Variants in CMC1 observed in about 807,000 individuals in gnomAD.
CMC1 encodes the protein COX assembly mitochondrial protein homolog.
CMC1 carries 14 observed loss-of-function variants against 14.1 expected under a neutral mutation model. That is an observed-to-expected ratio of 0.99 (90% CI 0.66 to 1.55). The LOEUF (loss-of-function observed/expected upper bound fraction) is 1.55. Ranked by LOEUF, CMC1 falls within the 40% of genes most tolerant of loss-of-function variation. CMC1 has a pLI of 0.00. For synonymous variants in CMC1, 50 were observed against 38.4 expected (o/e 1.30, Z -1.12); for missense variants, 127 against 123.8 (o/e 1.03, Z -0.12).
intron 2 of CMC1, among the ~76,000 whole-genome samples, chr3:28,307,371 TA>T (rs1188860748): frequency 6.6e-6 from 1 of 151,840 alleles, no homozygotes; most frequent in African/African-American, 2.4e-5. Context: ...GAAAAATAAA[TA>T]AAAAAAATTA....
intron 2 of CMC1, among the ~76,000 whole-genome samples, chr3:28,272,869 T>G (rs1481409902): frequency 2.0e-5 from 3 of 152,088 alleles, no homozygotes; most frequent in African/African-American, 7.2e-5. Flanking sequence ...GTGTTTTTAG[T>G]AGAGATGGGG....
At chr3:28,279,890 A>G (rs1446085846) in intron 2 of CMC1, among the ~76,000 whole-genome samples, 3 of 152,206 alleles carry the variant, frequency 2.0e-5, no homozygotes, top group African/African-American at 7.2e-5. Flanking sequence ...CAAAACACAC[A>G]TCTGCCCAGT....
chr3:28,256,201 G>GTATATATA (rs370738862), intron 1 of CMC1, among the ~76,000 whole-genome samples: 3 of 147,784 alleles, frequency 2.0e-5, no homozygotes, highest in African/African-American at 7.4e-5. Context: ...ATGTGTGTGT[G>GTATATATA]TATATATATA....
chr3:28,275,289 A>ATGC (rs377167438), intron 2 of CMC1, among the ~76,000 whole-genome samples: 13 of 111,982 alleles, frequency 1.2e-4, no homozygotes, highest in African/African-American at 4.0e-4. Flanking sequence ...CTTTTTGTTG[A>ATGC]TGCTGTTATG....
intron 2 of CMC1, among the ~76,000 whole-genome samples, chr3:28,282,069 A>G (rs1161207273): frequency 6.6e-6 from 1 of 152,052 alleles, no homozygotes; most frequent in Non-Finnish European, 1.5e-5. Flanking sequence ...TGTTCTTTCT[A>G]CCTCCCTTTA....
chr3:28,270,897 T>A (rs1341775852), intron 2 of CMC1, among the ~76,000 whole-genome samples: 2 of 151,772 alleles, frequency 1.3e-5, no homozygotes, highest in Non-Finnish European at 2.9e-5. Flanking sequence ...CATTTATGTC[T>A]TTAATTCATC....
chr3:28,316,508 T>G, intron 3 of CMC1, 85 bp downstream of exon 3: 1 of 637,698 alleles, frequency 1.6e-6, no homozygotes, highest in East Asian at 3.0e-5. Context: ...ATGTAATATA[T>G]TCTGTACCTC....
intron 2 of CMC1, among the ~76,000 whole-genome samples, chr3:28,265,951 T>C (rs1699984480): frequency 6.6e-6 from 1 of 152,174 alleles, no homozygotes; most frequent in African/African-American, 2.4e-5. Flanking sequence ...TTGAACAGAA[T>C]TGGGTAAGGC....
At chr3:28,242,531 TG>T (rs1269611473) in intron 1 of CMC1, among the ~76,000 whole-genome samples, 3 of 152,206 alleles carry the variant, frequency 2.0e-5, no homozygotes, top group Admixed American at 2.0e-4. Flanking sequence ...GCGTCAAACT[TG>T]GGAGATTCAG....
chr3:28,309,167 C>T (rs138682401), intron 2 of CMC1, among the ~76,000 whole-genome samples: 39 of 152,132 alleles, frequency 2.6e-4, no homozygotes, highest in African/African-American at 8.7e-4. Flanking sequence ...CAGTGGTTGT[C>T]CAGGGCCTCT....
At chr3:28,316,681 A>T (rs969011715) in intron 3 of CMC1, 1 of 258,048 alleles carries the variant, frequency 3.9e-6, no homozygotes, top group South Asian at 1.4e-4. Context: ...ACTATTTAAT[A>T]AATCTTTTTT....
At chr3:28,266,731 A>G (rs1264910597) in intron 2 of CMC1, among the ~76,000 whole-genome samples, 1 of 152,146 alleles carries the variant, frequency 6.6e-6, no homozygotes, top group African/African-American at 2.4e-5. Flanking sequence ...TGATCTTGCT[A>G]TTGGGGAAAC....
At chr3:28,251,646 GA>G (rs1699130449) in intron 1 of CMC1, among the ~76,000 whole-genome samples, 1 of 152,118 alleles carries the variant, frequency 6.6e-6, no homozygotes, top group Non-Finnish European at 1.5e-5. Context: ...TGAAATAAGT[GA>G]AAAACCCTTC....
At chr3:28,284,595 G>A (rs531876657) in intron 2 of CMC1, among the ~76,000 whole-genome samples, 2 of 152,294 alleles carry the variant, frequency 1.3e-5, no homozygotes, top group South Asian at 2.1e-4. Flanking sequence ...GGAACAGAAT[G>A]TCTCCTTAAA....
At chr3:28,316,026 T>C (rs1702889645) in intron 2 of CMC1, 1 of 189,866 alleles carries the variant, frequency 5.3e-6, no homozygotes, top group Admixed American at 5.9e-5. Flanking sequence ...CTATGAAGTC[T>C]CCTTGCCCTT....
chr3:28,312,453 G>A (rs1702683075), intron 2 of CMC1, among the ~76,000 whole-genome samples: 1 of 152,222 alleles, frequency 6.6e-6, no homozygotes, highest in Admixed American at 6.5e-5. Context: ...GCAAAGTAAT[G>A]ATGTTGCTTG....
intron 2 of CMC1, among the ~76,000 whole-genome samples, chr3:28,294,830 A>T (rs1701659424): frequency 6.6e-6 from 1 of 152,128 alleles, no homozygotes; most frequent in African/African-American, 2.4e-5. Context: ...TAGATTTGTC[A>T]TTCTAAAACA....
chr3:28,266,918 T>C (rs2125472320), intron 2 of CMC1, among the ~76,000 whole-genome samples: 1 of 152,318 alleles, frequency 6.6e-6, no homozygotes, highest in South Asian at 2.1e-4. Flanking sequence ...CTGAGTACAT[T>C]GGGAATGGAA....
intron 1 of CMC1, among the ~76,000 whole-genome samples, chr3:28,257,410 A>G (rs140472859): frequency 0.026 from 3,925 of 152,326 alleles, 73 homozygotes; most frequent in Non-Finnish European, 0.043. Context: ...TCCTACTGAT[A>G]GTAGTGGTAT....
Sources: gnomAD v4.1 joint callset for allele counts (sites outside exome capture counted in the v4.1 genomes callset) on GRCh38, gnomAD v4.1.1 for gene constraint, MANE v1.5 for transcripts, NCBI Gene and HGNC (gene_info 2026-07-23, HGNC 2026-07-21) for gene names.